Variants in SELP observed in about 807,000 individuals in gnomAD.
The protein encoded by SELP is selectin P, also known as P-selectin.
A neutral mutation model predicts 104.1 loss-of-function variants in SELP; 92 were observed. That is an observed-to-expected ratio of 0.88 (90% confidence interval 0.75 to 1.05). The LOEUF (loss-of-function observed/expected upper bound fraction) is 1.05. Among genes scored for constraint, SELP ranks in the 50% least tolerant of loss-of-function variants. The probability of loss-of-function intolerance (pLI) is 0.00; values close to 1 mark genes in which losing one functional copy is unlikely to be tolerated. For missense variants in SELP, 1,022 were observed against 1,017.3 expected (o/e 1.00, Z -0.06); for synonymous variants, 397 against 364.5 (o/e 1.09, Z -1.01).
At position 169,607,014 on chromosome 1, in the gene SELP, A is replaced by G. The variant is rs949024040; in HGVS notation, c.1454T>C (p.Val485Ala). Residue 485 changes from valine (V) to alanine (A), a missense_variant, in exon 9 of 17, where the codon GTG becomes GCG. Physicochemically the swap from Val to Ala is moderately conservative, Grantham distance 64 (BLOSUM62 0). Transcript: ENST00000263686. ...SFTCNEGLLLVGASVLQCLAT... is the reference protein window; with the variant it reads ...SFTCNEGLLLAGASVLQCLAT... ...CAAGCACTGTAGCACACTTGCTCCC[A>G]CCAGGAGCAAGCCTTCATTGCAGGT... The G allele has an allele frequency of 1.2e-6, 2 of 1,613,720 alleles. No homozygotes were observed. Among genetic ancestry groups the G allele is most frequent in the African/African-American group, 1.3e-5 (1 of 75,000 alleles).
intron 1 of SELP, among the ~76,000 whole-genome samples, chr1:169,623,064 G>A (rs1459713824): frequency 6.6e-6 from 1 of 152,214 alleles, no homozygotes; most frequent in African/African-American, 2.4e-5. Context: ...AAAGGTGTAA[G>A]AGGTAACATA....
intron 1 of SELP, 65 bp from the exon 2 acceptor site, chr1:169,619,284 C>A: frequency 8.7e-7 from 1 of 1,155,716 alleles, no homozygotes; most frequent in Non-Finnish European, 1.3e-6. Context: ...AAAAATAATT[C>A]TAGTTAACAA....
rs1661449497 is a variant in SELP at position 169,593,655 on chromosome 1, A to G, written c.2357T>C (p.Ile786Thr). Residue 786 changes from isoleucine to threonine, a missense_variant, in exon 14 of 17, where the codon ATA becomes ACA. Ile to Thr is a moderately conservative substitution (Grantham distance 89, BLOSUM62 -1). Transcript: ENST00000263686. Reference sequence around the variant, plus strand: ...CAAAGCCAGGAGCGTCCCACCCATTATCAGACCTATCGTAGAAGCCACCGC... The same window carrying G: ...CAAAGCCAGGAGCGTCCCACCCATTGTCAGACCTATCGTAGAAGCCACCGC... ...GGAVASTIGL[I>T]MGGTLLALLR... 1.2e-6 allele frequency: 2 copies of G among 1,613,342 alleles called. No homozygotes were observed. The highest frequency in any genetic ancestry group is 1.7e-5 in the Admixed American group (1 of 59,920).
chr1:169,618,041 C>T (rs1347985951), intron 2 of SELP, among the ~76,000 whole-genome samples: 1 of 152,210 alleles, frequency 6.6e-6, no homozygotes, highest in Non-Finnish European at 1.5e-5. Flanking sequence ...CACAGCACCT[C>T]ATCCCTGCCT....
intron 1 of SELP, among the ~76,000 whole-genome samples, chr1:169,620,861 C>T (rs1170925927): frequency 1.4e-5 from 1 of 71,640 alleles, no homozygotes; most frequent in Admixed American, 1.9e-4. Context: ...ATGATGTAGG[C>T]TGCATGGGAC....
Position 169,589,336 on chromosome 1 carries a change from G to T in SELP, c.*127C>A, listed in dbSNP as rs929939997. 1.6e-4 allele frequency: 24 copies of T among 152,224 alleles called. No homozygotes were observed. Among genetic ancestry groups the T allele is most frequent in the Admixed American group, 1.3e-4 (2 of 15,278 alleles). The allele number at this position is 152,224 out of a possible 1,614,324, so 9.4% of individuals were successfully genotyped here. On this transcript the variant is annotated 3_prime_UTR_variant, in exon 17 of 17. Transcript: ENST00000263686. ...GGGACAGGAAGGGGTGGTAGGTTGA[G>T]AATTTGAGATTGTACCACAATCCCA... is the stretch of plus-strand genomic sequence containing the variant.
At chr1:169,620,949 C>CTGTGTGTGTGTG (rs57455285) in intron 1 of SELP, among the ~76,000 whole-genome samples, 5 of 76,954 alleles carry the variant, frequency 6.5e-5, no homozygotes, top group African/African-American at 2.7e-4. Flanking sequence ...GTGTGGGGTT[C>CTGTGTGTGTGTG]TGTGTGTGTG....
chr1:169,626,056 A>G (rs1663355331), intron 1 of SELP, among the ~76,000 whole-genome samples: 3 of 152,242 alleles, frequency 2.0e-5, no homozygotes, highest in South Asian at 4.1e-4. Context: ...AATGACTGCA[A>G]GAAACCAGCC....
At chr1:169,602,885 G>T in intron 10 of SELP, 141 bp downstream of exon 10, 1 of 560,268 alleles carries the variant, frequency 1.8e-6, no homozygotes, top group Non-Finnish European at 3.0e-6. Context: ...AAGAGAGGGA[G>T]AACTTTTTTA....
At position 169,594,781 on chromosome 1, in the gene SELP, T is replaced by C; in HGVS notation, c.2198A>G (p.His733Arg). 6.2e-7 allele frequency: 1 copy of C among 1,613,870 alleles called. No homozygotes were observed. The highest frequency in any genetic ancestry group is 8.5e-7 in the Non-Finnish European group (1 of 1,179,850). Residue 733 changes from histidine to arginine, a missense_variant, in exon 13 of 17, where the codon CAT (histidine) becomes CGT (arginine). Coordinates refer to ENST00000263686, the MANE Select transcript of SELP (RefSeq NM_003005.4). ...ATTAAGTAACTGGCCCTCTAGACAA[T>C]GGAAAGAGCAGATTGATCCATAACT... is the stretch of plus-strand genomic sequence containing the variant. ...NFSYGSICSF[H>R]CLEGQLLNGS...
chr1:169,613,250 T>G, intron 4 of SELP, 136 bp from the exon 5 acceptor site: 11 of 802,180 alleles, frequency 1.4e-5, no homozygotes, highest in Non-Finnish European at 1.9e-5. Context: ...TATCCATCTC[T>G]ACTTGGTCTC....
intron 7 of SELP, among the ~76,000 whole-genome samples, chr1:169,610,403 A>G (rs1557961398): frequency 6.6e-6 from 1 of 152,104 alleles, no homozygotes; most frequent in Non-Finnish European, 1.5e-5. Context: ...TTGATAAAGC[A>G]TTTCATTTCC....
chr1:169,598,240 A>G lies in SELP; in HGVS notation c.1706-1064T>C, dbSNP rs78359189. Among the ~76,000 whole-genome samples the G allele has an allele frequency of 6.7e-3, 1,019 of 152,328 alleles. 6 individuals are homozygous for G. The highest frequency in any genetic ancestry group is 0.011 in the Non-Finnish European group (726 of 68,020). On this transcript the variant is annotated intron_variant, in intron 10 of 16. Coordinates refer to ENST00000263686, the MANE Select transcript of SELP (RefSeq NM_003005.4). ...ATTCTCTAATATAAGACTATTATTTATCAATAAATGTTGGGTTATAGACAA... is the reference window on the plus strand; with the variant it reads ...ATTCTCTAATATAAGACTATTATTTGTCAATAAATGTTGGGTTATAGACAA...
At position 169,597,057 on chromosome 1, in the gene SELP, C is replaced by G; in HGVS notation, c.1825G>C (p.Glu609Gln). 1 of 1,613,392 alleles carries G rather than the reference C, an allele frequency of 6.2e-7. No individual in the cohort carries two copies. The highest frequency in any genetic ancestry group is 8.5e-7 in the Non-Finnish European group (1 of 1,179,628). ...HFSCDNGFKL[E>Q]GPNNVECTTS... Reference sequence around the variant, plus strand: ...GTGCATTCCACATTATTGGGCCCCTCCAGCTTAAAGCCGTTGTCACAAGAG... The same window carrying G: ...GTGCATTCCACATTATTGGGCCCCTGCAGCTTAAAGCCGTTGTCACAAGAG... Residue 609 changes from glutamate to glutamine, a missense_variant, in exon 11 of 17, where the codon GAG becomes CAG. Glu to Gln is a conservative substitution (Grantham distance 29). Coordinates refer to ENST00000263686, the MANE Select transcript of SELP (RefSeq NM_003005.4).
Sources: allele counts gnomAD v4.1 joint callset (sites outside exome capture counted in the v4.1 genomes callset), GRCh38; gene constraint gnomAD v4.1.1; transcripts MANE v1.5; gene names NCBI Gene and HGNC (gene_info 2026-07-23, HGNC 2026-07-21).